CYP3A43: variants seen among roughly 807,000 people sequenced by gnomAD.
The protein encoded by CYP3A43 is cytochrome P450 family 3 subfamily A member 43.
In CYP3A43, 45 loss-of-function variants were observed where a neutral mutation model predicts 58.0. That is an observed-to-expected ratio of 0.78 (90% CI 0.61 to 0.99). The LOEUF (loss-of-function observed/expected upper bound fraction) is 0.99, where lower values mean the gene tolerates loss of function less well. Ranked by LOEUF, CYP3A43 falls within the 50% of genes least tolerant of loss-of-function variation. The probability of loss-of-function intolerance (pLI) is 0.00; values close to 1 mark genes in which losing one functional copy is unlikely to be tolerated. For missense variants in CYP3A43, 593 were observed against 591.9 expected, an observed-to-expected ratio of 1.00 and a Z score of -0.02; for synonymous variants, 191 against 201.4, an observed-to-expected ratio of 0.95 and a Z score of 0.44.
chr7:99,865,018 G>A (rs1818389624), intron 12 of CYP3A43, among the ~76,000 whole-genome samples: 1 of 148,280 alleles, frequency 6.7e-6, no homozygotes, highest in Non-Finnish European at 1.5e-5. Context: ...CTTTGTGCAT[G>A]GGAAGGAAGA....
intron 8 of CYP3A43, among the ~76,000 whole-genome samples, chr7:99,856,321 G>A (rs768744377): frequency 6.6e-6 from 1 of 152,158 alleles, no homozygotes; most frequent in Admixed American, 6.5e-5. Flanking sequence ...ATGCCTCAAA[G>A]TCAGGAATGC....
chr7:99,828,286 G>A (rs1433745605), intron 1 of CYP3A43, 100 bp downstream of exon 1: 22 of 950,858 alleles, frequency 2.3e-5, no homozygotes, highest in Middle Eastern at 2.4e-4. Flanking sequence ...AAGAGATAAC[G>A]GAGGGGAAGT....
intron 1 of CYP3A43, among the ~76,000 whole-genome samples, chr7:99,833,299 A>G (rs1316097443): frequency 6.6e-6 from 1 of 152,046 alleles, no homozygotes; most frequent in Non-Finnish European, 1.5e-5. Flanking sequence ...CAAAGAGTTT[A>G]GTTACCTTTT....
At chr7:99,842,890 C>T (rs1253060737) in intron 3 of CYP3A43, among the ~76,000 whole-genome samples, 1 of 152,184 alleles carries the variant, frequency 6.6e-6, no homozygotes, top group Non-Finnish European at 1.5e-5. Flanking sequence ...TCCTTCCCCC[C>T]ATGAACCAGC....
intron 12 of CYP3A43, 102 bp from the exon 13 acceptor site, chr7:99,865,804 G>C: frequency 2.8e-6 from 2 of 703,626 alleles, no homozygotes; most frequent in Non-Finnish European, 4.4e-6. Flanking sequence ...TTTTTTTTTA[G>C]TCATTGCAAA....
intron 1 of CYP3A43, among the ~76,000 whole-genome samples, chr7:99,835,428 G>A (rs1352095234): frequency 4.6e-5 from 7 of 152,166 alleles, no homozygotes; most frequent in Non-Finnish European, 1.0e-4. Flanking sequence ...TTAGGATTAT[G>A]AACATATGCG....
At chr7:99,852,559 A>G (rs1413836285) in intron 7 of CYP3A43, among the ~76,000 whole-genome samples, 1 of 152,102 alleles carries the variant, frequency 6.6e-6, no homozygotes, top group Non-Finnish European at 1.5e-5. Context: ...TTTTGATGTT[A>G]TGGTAAATAC....
At chr7:99,834,225 C>T (rs1490858097) in intron 1 of CYP3A43, among the ~76,000 whole-genome samples, 5 of 152,054 alleles carry the variant, frequency 3.3e-5, no homozygotes, top group South Asian at 2.1e-4. Context: ...AAGGACTGCC[C>T]GCAACCTTAT....
At chr7:99,843,856 C>A (rs529253832) in intron 3 of CYP3A43, among the ~76,000 whole-genome samples, 1 of 152,334 alleles carries the variant, frequency 6.6e-6, no homozygotes, top group African/African-American at 2.4e-5. Context: ...ACAAAGGCTT[C>A]TGATATTTCT....
In CYP3A43 at chr7:99,861,765, AG is replaced by A; in HGVS notation, c.1180del (p.Val394Ter). 1 of 1,614,204 alleles carries A rather than the reference AG, an allele frequency of 6.2e-7. No individual in the cohort carries two copies. Among genetic ancestry groups the A allele is most frequent in the Non-Finnish European group, 8.5e-7 (1 of 1,180,018 alleles). On this transcript the variant is annotated frameshift_variant, in exon 11 of 13. Coordinates refer to ENST00000354829, the MANE Select transcript of CYP3A43 (RefSeq NM_057095.3). LOFTEE classifies it high-confidence loss of function. ...GAGTGTTCATTCCCAAAGGGTTAGC[AG>A]TGATGGTTCCAATCTATGCTCTTCA... ...NGVFIPKGLA[V>X]MVPIYALHHD...
At chr7:99,832,260 C>T (rs1372489421) in intron 1 of CYP3A43, among the ~76,000 whole-genome samples, 1 of 150,438 alleles carries the variant, frequency 6.6e-6, no homozygotes, top group African/African-American at 2.5e-5. Context: ...AAAAAAAAAA[C>T]CTCACCTAGT....
intron 1 of CYP3A43, 141 bp from the exon 2 acceptor site, chr7:99,836,312 C>T: frequency 1.5e-6 from 1 of 654,266 alleles, no homozygotes; most frequent in South Asian, 1.8e-5. Context: ...GTAATTATTG[C>T]CATCAGAGTT....
At chr7:99,847,432 A>G (rs1239081663) in intron 4 of CYP3A43, 56 bp from the exon 5 acceptor site, 10 of 1,561,906 alleles carry the variant, frequency 6.4e-6, no homozygotes, top group Non-Finnish European at 7.9e-6. Flanking sequence ...ATTTTCTACA[A>G]CTATGGAGAT....
intron 1 of CYP3A43, among the ~76,000 whole-genome samples, chr7:99,830,878 T>C (rs1242219886): frequency 6.6e-6 from 1 of 152,236 alleles, no homozygotes; most frequent in African/African-American, 2.4e-5. Flanking sequence ...CATAGAGGAA[T>C]GTTCTCTTGA....
intron 1 of CYP3A43, among the ~76,000 whole-genome samples, chr7:99,834,931 T>C (rs757328659): frequency 9.2e-5 from 14 of 152,180 alleles, no homozygotes; most frequent in Non-Finnish European, 1.8e-4. Context: ...TCCACATACA[T>C]AGCATGAGGA....
rs759385187 is a variant in CYP3A43 at position 99,856,753 on chromosome 7, G to C, written c.799-80G>C. ...TAAAGAGAGCATATTCTCAGGAGGG[G>C]TGCTTAGGACTGGACTCCTGATTCA... On this transcript the variant is annotated intron_variant, in intron 8 of 12. Transcript: ENST00000354829. 12 of 1,428,280 alleles carry C rather than the reference G, an allele frequency of 8.4e-6. No individual in the cohort carries two copies. The African/African-American group carries it at 1.4e-4, about 17-fold the overall frequency. 88.5% of individuals were successfully genotyped at this position (1,428,280 alleles called of 1,614,324 possible).
intron 1 of CYP3A43, among the ~76,000 whole-genome samples, chr7:99,831,940 C>A (rs1404880239): frequency 1.3e-5 from 2 of 152,128 alleles, no homozygotes; most frequent in African/African-American, 4.8e-5. Flanking sequence ...TAGTTTATAT[C>A]AATCAAATCA....
At position 99,861,784 on chromosome 7, in the gene CYP3A43, G is replaced by A; in HGVS notation, c.1198G>A (p.Ala400Thr). The A allele has an allele frequency of 6.2e-7, 1 of 1,614,118 alleles. No homozygotes were observed. Among genetic ancestry groups the A allele is most frequent in the Non-Finnish European group, 8.5e-7 (1 of 1,180,012 alleles). The change falls in exon 11 of 13, where the codon GCT becomes ACT. Residue 400 changes from alanine (A) to threonine (T), a missense_variant. By Grantham distance (58) the Ala-to-Thr change is moderately conservative. Coordinates refer to ENST00000354829, the MANE Select transcript of CYP3A43 (RefSeq NM_057095.3). ...KGLAVMVPIY[A>T]LHHDPKYWTE... ...GTTAGCAGTGATGGTTCCAATCTAT[G>A]CTCTTCACCATGACCCAAAGTACTG...
intron 4 of CYP3A43, 125 bp from the exon 5 acceptor site, chr7:99,847,362 GC>G: frequency 3.3e-6 from 3 of 908,622 alleles, no homozygotes; most frequent in Non-Finnish European, 5.0e-6. Flanking sequence ...CTAGTATAGA[GC>G]CTGCCACCCA....
Sources: allele counts gnomAD v4.1 joint callset (sites outside exome capture counted in the v4.1 genomes callset), GRCh38; gene constraint gnomAD v4.1.1; transcripts MANE v1.5; gene names NCBI Gene and HGNC (gene_info 2026-07-23, HGNC 2026-07-21).